The following HTR1F variants were observed in gnomAD, a reference collection of about 807,000 sequenced individuals.
HTR1F encodes 5-hydroxytryptamine receptor 1F.
A neutral mutation model predicts 24.0 loss-of-function variants in HTR1F; 17 were observed. The ratio of observed to expected loss-of-function variants is 0.71; its 90% CI spans 0.48 to 1.06. The LOEUF (loss-of-function observed/expected upper bound fraction) is 1.06, where lower values mean the gene tolerates loss of function less well. HTR1F is among the 50% of genes least tolerant of loss of function. The pLI, the probability that HTR1F is intolerant of heterozygous loss-of-function variation, is 0.00. For synonymous variants in HTR1F, 186 were observed against 156.8 expected, an observed-to-expected ratio of 1.19 and a Z score of -1.39; for missense variants, 391 against 427.8, an observed-to-expected ratio of 0.91 and a Z score of 0.76.
At chr3:87,946,770 C>T (rs376315768) in intron 2 of HTR1F, among the ~76,000 whole-genome samples, 5 of 151,894 alleles carry the variant, frequency 3.3e-5, no homozygotes, top group South Asian at 2.1e-4. Context: ...GGGTTACAGG[C>T]GCGTGCTACC....
intron 2 of HTR1F, among the ~76,000 whole-genome samples, chr3:87,884,530 C>T (rs1705889059): frequency 6.6e-6 from 1 of 152,076 alleles, no homozygotes; most frequent in South Asian, 2.1e-4. Flanking sequence ...GGGCTAAATG[C>T]CTCAATTAAA....
At chr3:87,894,411 C>T (rs938310696) in intron 2 of HTR1F, among the ~76,000 whole-genome samples, 1 of 151,982 alleles carries the variant, frequency 6.6e-6, no homozygotes, top group Non-Finnish European at 1.5e-5. Flanking sequence ...CACGCACCAC[C>T]ATGCCTGGGT....
chr3:87,945,753 G>A (rs570159650), intron 2 of HTR1F, among the ~76,000 whole-genome samples: 26 of 152,242 alleles, frequency 1.7e-4, no homozygotes, highest in African/African-American at 5.5e-4. Flanking sequence ...AAGGGTGCCC[G>A]ATATTTTCCT....
intron 2 of HTR1F, among the ~76,000 whole-genome samples, chr3:87,961,009 C>CAT (rs1047416716): frequency 6.6e-6 from 1 of 151,622 alleles, no homozygotes; most frequent in African/African-American, 2.4e-5. Flanking sequence ...TGCACACACA[C>CAT]ACACACACAC....
At chr3:87,795,026 T>C (rs1440154018) in intron 1 of HTR1F, among the ~76,000 whole-genome samples, 2 of 138,800 alleles carry the variant, frequency 1.4e-5, no homozygotes, top group African/African-American at 2.7e-5. Flanking sequence ...GGAGTCTCTG[T>C]CTCCACGCTG....
chr3:87,856,580 C>T (rs1416666572), intron 2 of HTR1F, among the ~76,000 whole-genome samples: 2 of 152,070 alleles, frequency 1.3e-5, no homozygotes, highest in Non-Finnish European at 2.9e-5. Flanking sequence ...CCTACTTGTT[C>T]TTTATGGCAT....
chr3:87,874,206 T>A lies in HTR1F; in HGVS notation c.-43+52082T>A, dbSNP rs78037032. On this transcript the variant is annotated intron_variant, in intron 2 of 2. Transcript: ENST00000319595. ...AATGTATCTCTGTTCACAAATACCA[T>A]GATCTTTTATGTAGAAAACCCTAAA... Among the ~76,000 whole-genome samples, 767 of 152,218 alleles carry A rather than the reference T, an allele frequency of 5.0e-3. 6 individuals are homozygous for A. The highest frequency in any genetic ancestry group is 0.018 in the African/African-American group (736 of 41,542).
At chr3:87,918,414 A>G (rs1703941968) in intron 2 of HTR1F, among the ~76,000 whole-genome samples, 1 of 151,988 alleles carries the variant, frequency 6.6e-6, no homozygotes, top group Non-Finnish European at 1.5e-5. Context: ...CATCCAAATT[A>G]GTAAAGAGGA....
intron 2 of HTR1F, among the ~76,000 whole-genome samples, chr3:87,977,072 A>G (rs1211805206): frequency 1.3e-5 from 2 of 152,226 alleles, no homozygotes; most frequent in Admixed American, 6.5e-5. Flanking sequence ...TGGTAATTGT[A>G]CATTATTTCC....
intron 2 of HTR1F, among the ~76,000 whole-genome samples, chr3:87,951,281 T>C (rs1480188821): frequency 2.0e-5 from 3 of 152,148 alleles, no homozygotes; most frequent in African/African-American, 7.2e-5. Context: ...CGAAGAACAA[T>C]AGTTATATAT....
At chr3:87,973,709 G>A (rs372707566) in intron 2 of HTR1F, among the ~76,000 whole-genome samples, 63 of 152,236 alleles carry the variant, frequency 4.1e-4, no homozygotes, top group African/African-American at 1.5e-3. Flanking sequence ...GGAAACTCCT[G>A]TAAAATTACT....
chr3:87,856,784 A>G (rs2107219754), intron 2 of HTR1F, among the ~76,000 whole-genome samples: 1 of 152,280 alleles, frequency 6.6e-6, no homozygotes, highest in East Asian at 1.9e-4. Context: ...CAAATCTTGT[A>G]TTACAGAAAA....
At chr3:87,984,004 T>C (rs1413361933) in intron 2 of HTR1F, among the ~76,000 whole-genome samples, 1 of 152,202 alleles carries the variant, frequency 6.6e-6, no homozygotes. Flanking sequence ...GCCTACAAAA[T>C]AAAACCTGGT....
intron 2 of HTR1F, among the ~76,000 whole-genome samples, chr3:87,918,152 T>C (rs1367422615): frequency 6.6e-6 from 1 of 152,014 alleles, no homozygotes; most frequent in Admixed American, 6.6e-5. Context: ...GAAAAAAGCA[T>C]TTGACAAAAA....
At chr3:87,887,848 G>A (rs1279389031) in intron 2 of HTR1F, among the ~76,000 whole-genome samples, 3 of 151,818 alleles carry the variant, frequency 2.0e-5, no homozygotes, top group Admixed American at 2.0e-4. Flanking sequence ...GTGGAGAAAT[G>A]GAACACTTTT....
At chr3:87,833,794 C>A (rs1704629468) in intron 2 of HTR1F, among the ~76,000 whole-genome samples, 1 of 152,118 alleles carries the variant, frequency 6.6e-6, no homozygotes, top group Admixed American at 6.5e-5. Context: ...CATAAGCCAC[C>A]ACGTGCCCGG....
At chr3:87,889,091 A>G (rs1706022561) in intron 2 of HTR1F, among the ~76,000 whole-genome samples, 1 of 152,022 alleles carries the variant, frequency 6.6e-6, no homozygotes, top group South Asian at 2.1e-4. Context: ...AGAGCCTGGC[A>G]TCTCCCCAGC....
chr3:87,892,631 C>A (rs1211121867), intron 2 of HTR1F, among the ~76,000 whole-genome samples: 4 of 152,074 alleles, frequency 2.6e-5, no homozygotes, highest in Non-Finnish European at 5.9e-5. Flanking sequence ...GTAGGTGTTC[C>A]CGAAATGTTA....
At chr3:87,941,355 C>T (rs373374573) in intron 2 of HTR1F, among the ~76,000 whole-genome samples, 46 of 152,274 alleles carry the variant, frequency 3.0e-4, no homozygotes, top group Middle Eastern at 3.4e-3. Context: ...AGGCTGGATA[C>T]GATCCTCACG....
Sources: allele counts gnomAD v4.1 joint callset (sites outside exome capture counted in the v4.1 genomes callset), GRCh38; gene constraint gnomAD v4.1.1; transcripts MANE v1.5; gene names NCBI Gene and HGNC (gene_info 2026-07-23, HGNC 2026-07-21).